BICC1: variants seen among roughly 807,000 people sequenced by gnomAD.
BICC1 encodes BicC family RNA binding protein 1, also known as protein bicaudal C homolog 1.
A neutral mutation model predicts 111.0 loss-of-function variants in BICC1; 43 were observed. The ratio of observed to expected loss-of-function variants is 0.39; its 90% CI spans 0.30 to 0.50. BICC1 has a LOEUF of 0.50. Among genes scored for constraint, BICC1 ranks in the 20% least tolerant of loss-of-function variants. The pLI is 0.88. For missense variants in BICC1, 1,091 were observed against 1,203.2 expected (o/e 0.91, Z 1.38); for synonymous variants, 467 against 434.4 (o/e 1.07, Z -0.93).
At chr10:58,535,966 A>G (rs1589072700) in intron 1 of BICC1, among the ~76,000 whole-genome samples, 1 of 134,346 alleles carries the variant, frequency 7.4e-6, no homozygotes, top group African/African-American at 3.2e-5. Context: ...CAACAATAGT[A>G]AAAAAAAAAA....
intron 3 of BICC1, among the ~76,000 whole-genome samples, chr10:58,744,657 A>T (rs1158280252): frequency 2.0e-5 from 3 of 147,222 alleles, no homozygotes; most frequent in Admixed American, 7.1e-5. Context: ...ACATTCCATG[A>T]TGAAACTTTT....
chr10:58,639,397 A>ATT (rs5785335), intron 2 of BICC1, among the ~76,000 whole-genome samples: 3,321 of 138,566 alleles, frequency 0.024, 62 homozygotes, highest in African/African-American at 0.047. Context: ...TGCCATTTAA[A>ATT]TTTTTTTTTT....
At chr10:58,612,304 G>A (rs1457148095) in intron 1 of BICC1, among the ~76,000 whole-genome samples, 1 of 152,150 alleles carries the variant, frequency 6.6e-6, no homozygotes, top group Non-Finnish European at 1.5e-5. Flanking sequence ...GTTTCTCTGG[G>A]AATGTATAGA....
intron 1 of BICC1, among the ~76,000 whole-genome samples, chr10:58,561,024 C>A (rs973209351): frequency 2.0e-5 from 3 of 151,942 alleles, no homozygotes; most frequent in Non-Finnish European, 2.9e-5. Context: ...ATGAAATGTT[C>A]TGTAAATGTC....
chr10:58,679,944 A>AT (rs1486484737), intron 2 of BICC1, among the ~76,000 whole-genome samples: 42 of 152,352 alleles, frequency 2.8e-4, no homozygotes, highest in African/African-American at 9.1e-4. Context: ...AAACCACATG[A>AT]TTACCTCAAT....
intron 2 of BICC1, among the ~76,000 whole-genome samples, chr10:58,672,260 A>T (rs908025880): frequency 6.6e-6 from 1 of 152,096 alleles, no homozygotes; most frequent in Non-Finnish European, 1.5e-5. Context: ...CCCTCCTCCC[A>T]GTCCCTAGCA....
intron 3 of BICC1, among the ~76,000 whole-genome samples, chr10:58,767,056 T>C (rs1391805431): frequency 2.0e-5 from 3 of 152,142 alleles, no homozygotes; most frequent in Non-Finnish European, 4.4e-5. Context: ...CATGAGCTAG[T>C]TGGGATGCCT....
intron 2 of BICC1, among the ~76,000 whole-genome samples, chr10:58,621,579 G>A (rs1845808968): frequency 6.6e-6 from 1 of 152,090 alleles, no homozygotes; most frequent in South Asian, 2.1e-4. Flanking sequence ...TTGAGAGGCC[G>A]AGGCTATCAG....
At chr10:58,696,229 A>G (rs937428375) in intron 2 of BICC1, among the ~76,000 whole-genome samples, 3 of 152,014 alleles carry the variant, frequency 2.0e-5, no homozygotes, top group African/African-American at 7.3e-5. Flanking sequence ...TTTAAATATA[A>G]AGTGGAAAGT....
intron 15 of BICC1, among the ~76,000 whole-genome samples, chr10:58,805,017 G>C (rs1282651549): frequency 1.3e-5 from 2 of 152,246 alleles, no homozygotes; most frequent in South Asian, 2.1e-4. Flanking sequence ...AGTCAGCCAG[G>C]CATGGTGGCT....
In BICC1 at chr10:58,806,504, ACCT is replaced by A. The variant is rs1430608328; in HGVS notation, c.2182-79_2182-77del. On this transcript the variant is annotated intron_variant, in intron 15 of 20. Coordinates refer to ENST00000373886, the MANE Select transcript of BICC1 (RefSeq NM_001080512.3). ...GGCAGATTCATGGAACACAGTCAAA[ACCT>A]TTGTTCTCTAACCATGGAGTGTTGG... 4.7e-6 allele frequency: 6 copies of A among 1,290,258 alleles called. No individual in the cohort carries two copies. In the African/African-American group the frequency reaches 8.8e-5, roughly 19 times the overall value. The allele number at this position is 1,290,258 out of a possible 1,614,324, so 79.9% of individuals were successfully genotyped here.
intron 2 of BICC1, among the ~76,000 whole-genome samples, chr10:58,699,486 T>C (rs1361703833): frequency 6.6e-6 from 1 of 152,232 alleles, no homozygotes; most frequent in Non-Finnish European, 1.5e-5. Flanking sequence ...GCACTTCTAC[T>C]AATGATTTAA....
chr10:58,706,717 C>T (rs886925973), intron 3 of BICC1, among the ~76,000 whole-genome samples: 17 of 152,154 alleles, frequency 1.1e-4, no homozygotes, highest in Non-Finnish European at 1.0e-4. Flanking sequence ...TTCCTTCCCA[C>T]GCCCTCTCTC....
intron 2 of BICC1, among the ~76,000 whole-genome samples, chr10:58,643,111 T>A (rs962242217): frequency 1.3e-5 from 2 of 152,222 alleles, no homozygotes; most frequent in Admixed American, 6.5e-5. Context: ...AAATCTTGTA[T>A]TTTTTGGCTT....
chr10:58,685,005 T>C (rs1377863861), intron 2 of BICC1, among the ~76,000 whole-genome samples: 2 of 152,172 alleles, frequency 1.3e-5, no homozygotes, highest in African/African-American at 4.8e-5. Context: ...TTGTGGGCAT[T>C]TAGTGCTATA....
intron 2 of BICC1, among the ~76,000 whole-genome samples, chr10:58,684,174 T>A (rs1839633283): frequency 6.6e-6 from 1 of 152,152 alleles, no homozygotes; most frequent in Non-Finnish European, 1.5e-5. Context: ...TGATGGATTA[T>A]GTTTATTGGT....
intron 1 of BICC1, among the ~76,000 whole-genome samples, chr10:58,517,470 A>C (rs1018195984): frequency 2.0e-5 from 3 of 152,250 alleles, no homozygotes; most frequent in African/African-American, 7.2e-5. Context: ...ATAATAATTT[A>C]GACTTTTTTC....
chr10:58,766,222 C>A (rs1842451744), intron 3 of BICC1, among the ~76,000 whole-genome samples: 1 of 152,050 alleles, frequency 6.6e-6, no homozygotes, highest in Admixed American at 6.6e-5. Flanking sequence ...AAAAAAAACC[C>A]AATCTGTGAA....
chr10:58,795,351 T>C (rs1422371983), intron 9 of BICC1, among the ~76,000 whole-genome samples: 6 of 152,088 alleles, frequency 3.9e-5, no homozygotes, highest in African/African-American at 1.4e-4. Flanking sequence ...TAGTTTAAAG[T>C]TAGGGAACAG....
Sources: allele counts gnomAD v4.1 joint callset (sites outside exome capture counted in the v4.1 genomes callset), GRCh38; gene constraint gnomAD v4.1.1; transcripts MANE v1.5; gene names NCBI Gene and HGNC (gene_info 2026-07-23, HGNC 2026-07-21).